The following ITSN1 variants were observed in gnomAD, a reference collection of about 807,000 sequenced individuals.
ITSN1 encodes the protein intersectin-1.
In ITSN1, 58 loss-of-function variants were observed where a neutral mutation model predicts 239.8. That is an observed-to-expected ratio of 0.24 (90% CI 0.20 to 0.30). The LOEUF (loss-of-function observed/expected upper bound fraction) is 0.30, where lower values mean the gene tolerates loss of function less well. Among genes scored for constraint, ITSN1 ranks in the 10% least tolerant of loss-of-function variants. ITSN1 has a pLI of 1.00. For missense variants in ITSN1, 1,558 were observed against 2,103.3 expected, an observed-to-expected ratio of 0.74 and a Z score of 5.07; for synonymous variants, 780 against 770.8, an observed-to-expected ratio of 1.01 and a Z score of -0.20.
chr21:33,776,285 G>T (rs1012635921), intron 14 of ITSN1, among the ~76,000 whole-genome samples: 37 of 151,552 alleles, frequency 2.4e-4, no homozygotes, highest in African/African-American at 8.5e-4. Context: ...GGCACAGTGG[G>T]TCACACCTGT....
At chr21:33,724,659 G>A (rs2065707763) in intron 4 of ITSN1, among the ~76,000 whole-genome samples, 1 of 152,196 alleles carries the variant, frequency 6.6e-6, no homozygotes, top group Admixed American at 6.5e-5. Context: ...GCCAGGGACT[G>A]TTAAGAGGTG....
chr21:33,672,473 A>G (rs2090345707), intron 1 of ITSN1, among the ~76,000 whole-genome samples: 1 of 152,230 alleles, frequency 6.6e-6, no homozygotes, highest in Non-Finnish European at 1.5e-5. Flanking sequence ...AAAGACTGAA[A>G]TAATAAGAAT....
chr21:33,846,881 G>C (rs147831496), intron 29 of ITSN1, among the ~76,000 whole-genome samples: 1 of 152,178 alleles, frequency 6.6e-6, no homozygotes, highest in East Asian at 1.9e-4. Context: ...CCCAAAACAG[G>C]AAGTGAGCTT....
intron 9 of ITSN1, among the ~76,000 whole-genome samples, chr21:33,764,468 G>T (rs1326504127): frequency 6.6e-6 from 1 of 152,004 alleles, no homozygotes; most frequent in Non-Finnish European, 1.5e-5. Flanking sequence ...TTGCATATGG[G>T]TATCTTGCAA....
intron 19 of ITSN1, among the ~76,000 whole-genome samples, chr21:33,801,815 T>C (rs2072026967): frequency 6.6e-6 from 1 of 152,152 alleles, no homozygotes; most frequent in Non-Finnish European, 1.5e-5. Flanking sequence ...GAAAGAACTG[T>C]TGGTTTGGGC....
intron 33 of ITSN1, among the ~76,000 whole-genome samples, chr21:33,872,037 C>T (rs1310755117): frequency 6.6e-6 from 1 of 152,072 alleles, no homozygotes; most frequent in Non-Finnish European, 1.5e-5. Context: ...CACTTATGCG[C>T]TAAATGTACA....
At position 33,771,956 on chromosome 21, in the gene ITSN1, G is replaced by A. The variant is rs955565895; in HGVS notation, c.1043-105G>A. ...GACACAGAAGCTTAGGGAGTTCTGGGTTTGGGTTTGTACTACAAATTTCAA... is the reference window on the plus strand; with the variant it reads ...GACACAGAAGCTTAGGGAGTTCTGGATTTGGGTTTGTACTACAAATTTCAA... On this transcript the variant is annotated intron_variant, in intron 11 of 39. Transcript: ENST00000381318. 4.6e-6 allele frequency: 6 copies of A among 1,301,406 alleles called. 1 individual carries two copies. The Middle Eastern group carries it at 7.6e-4, about 164-fold the overall frequency. 80.6% of individuals were successfully genotyped at this position (1,301,406 alleles called of 1,614,324 possible). A position where few individuals can be genotyped will look rare whatever the true frequency, so the allele number is the denominator to read the frequency against.
At chr21:33,795,711 T>C in intron 17 of ITSN1, among the ~76,000 whole-genome samples, 1 of 152,146 alleles carries the variant, frequency 6.6e-6, no homozygotes, top group African/African-American at 2.4e-5. Context: ...CCCCCAGAGT[T>C]TATAAAATGC....
chr21:33,817,747 C>A, intron 22 of ITSN1: 1 of 819,002 alleles, frequency 1.2e-6, no homozygotes, highest in Non-Finnish European at 1.6e-6. Context: ...TTTATGCTAA[C>A]CAAATCCCTG....
intron 4 of ITSN1, among the ~76,000 whole-genome samples, chr21:33,730,053 TGTTA>T (rs1424895026): frequency 5.3e-5 from 8 of 152,170 alleles, no homozygotes; most frequent in Non-Finnish European, 7.3e-5. Flanking sequence ...TACGTGGATA[TGTTA>T]GTTATTTATA....
chr21:33,814,755 A>T (rs2073150300), intron 22 of ITSN1, among the ~76,000 whole-genome samples: 1 of 152,148 alleles, frequency 6.6e-6, no homozygotes, highest in East Asian at 1.9e-4. Flanking sequence ...GTGCAGGAAG[A>T]TTAGAGTGGA....
chr21:33,777,062 T>C (rs1391964136), intron 14 of ITSN1, among the ~76,000 whole-genome samples: 2 of 152,200 alleles, frequency 1.3e-5, no homozygotes, highest in African/African-American at 4.8e-5. Context: ...CAAGTTTTTA[T>C]AAATTGAAAA....
intron 2 of ITSN1, among the ~76,000 whole-genome samples, chr21:33,719,156 C>T (rs964020180): frequency 6.6e-6 from 1 of 152,134 alleles, no homozygotes; most frequent in African/African-American, 2.4e-5. Context: ...ATTTACAATA[C>T]CGGGCCGGGC....
chr21:33,871,241 A>T (rs1982662402), intron 33 of ITSN1, among the ~76,000 whole-genome samples: 1 of 152,180 alleles, frequency 6.6e-6, no homozygotes, highest in Admixed American at 6.5e-5. Context: ...GAAAATATTT[A>T]AAAAGATACA....
chr21:33,798,761 G>A (rs2071754553), intron 18 of ITSN1, among the ~76,000 whole-genome samples: 2 of 152,218 alleles, frequency 1.3e-5, no homozygotes, highest in African/African-American at 2.4e-5. Context: ...CGTGAGGTAT[G>A]GAGTTGCATT....
At chr21:33,867,483 C>T (rs1354785472) in intron 33 of ITSN1, 152 bp downstream of exon 33, 3 of 611,960 alleles carry the variant, frequency 4.9e-6, no homozygotes, top group Non-Finnish European at 5.8e-6. Flanking sequence ...TGCTTGGTAA[C>T]TCAGAAAGAA....
intron 5 of ITSN1, among the ~76,000 whole-genome samples, chr21:33,736,773 C>T (rs1299823112): frequency 2.0e-5 from 3 of 152,094 alleles, no homozygotes; most frequent in Admixed American, 1.3e-4. Flanking sequence ...ATTGCTTGGT[C>T]CCAGGTGTTG....
intron 1 of ITSN1, among the ~76,000 whole-genome samples, chr21:33,680,295 T>C (rs1231384911): frequency 3.9e-5 from 6 of 152,040 alleles, no homozygotes; most frequent in Non-Finnish European, 8.8e-5. Flanking sequence ...AGGAATGTTT[T>C]CATTGGTGCC....
intron 4 of ITSN1, among the ~76,000 whole-genome samples, chr21:33,726,973 T>C (rs1290769316): frequency 6.6e-6 from 1 of 152,222 alleles, no homozygotes; most frequent in Non-Finnish European, 1.5e-5. Flanking sequence ...TTTATTTCCA[T>C]GTAGAAACTA....
Sources: allele counts gnomAD v4.1 joint callset (sites outside exome capture counted in the v4.1 genomes callset), GRCh38; gene constraint gnomAD v4.1.1; transcripts MANE v1.5; gene names NCBI Gene and HGNC (gene_info 2026-07-23, HGNC 2026-07-21).